The following RYR1 variants were observed in gnomAD, a reference collection of about 807,000 sequenced individuals.
RYR1 encodes central core disease of muscle.
In RYR1, 342 loss-of-function variants were observed where a neutral mutation model predicts 583.5. That is an observed-to-expected ratio of 0.59 (90% confidence interval 0.54 to 0.64). The LOEUF (loss-of-function observed/expected upper bound fraction) is 0.64, where lower values mean the gene tolerates loss of function less well. RYR1 is among the 30% of genes least tolerant of loss of function. The pLI is 0.00. For missense variants in RYR1, 6,032 were observed against 6,917.2 expected (o/e 0.87, Z 4.54); for synonymous variants, 2,791 against 2,822.5 (o/e 0.99, Z 0.35).
intron 89 of RYR1, among the ~76,000 whole-genome samples, chr19:38,557,235 G>A (rs1237743202): frequency 6.6e-6 from 1 of 151,744 alleles, no homozygotes; most frequent in East Asian, 1.9e-4. Flanking sequence ...TTTTCATGAT[G>A]CTTCCTTCAC....
At chr19:38,441,650 GCTGAGAGGTGGAAGGAGCCTGGGGT>G (rs1289096978) in intron 2 of RYR1, among the ~76,000 whole-genome samples, 7 of 149,772 alleles carry the variant, frequency 4.7e-5, no homozygotes, top group African/African-American at 1.8e-4. Context: ...GAGACTGGGG[GCTGAGAGGTGGAAGGAGCCTGGGGT>G]CTGAAAGGAG....
chr19:38,579,196 T>C (rs1238717008), intron 99 of RYR1, among the ~76,000 whole-genome samples: 3 of 151,866 alleles, frequency 2.0e-5, no homozygotes, highest in Non-Finnish European at 4.4e-5. Flanking sequence ...GAGGCCGAGG[T>C]GGGTGGATCA....
At chr19:38,502,160 A>C (rs1970151210) in intron 47 of RYR1, among the ~76,000 whole-genome samples, 1 of 152,134 alleles carries the variant, frequency 6.6e-6, no homozygotes, top group African/African-American at 2.4e-5. Flanking sequence ...TCTCTAACAG[A>C]TGAAAAAGAA....
chr19:38,544,054 T>TCCTCCTCTGCC (rs1972321304), intron 87 of RYR1, among the ~76,000 whole-genome samples, 179 bp downstream of exon 87: 1 of 152,110 alleles, frequency 6.6e-6, no homozygotes, highest in Non-Finnish European at 1.5e-5. Context: ...TGACCCCGCC[T>TCCTCCTCTGCC]CCTCCTCTGC....
At position 38,444,012 on chromosome 19, in the gene RYR1, T is replaced by C; in HGVS notation, c.425-137T>C. ...TCTGAAGTCAGGAACGGGGAACTGT[T>C]AGGCAGAGAGTTGGTGGCAGTGATA... On this transcript the variant is annotated intron_variant, in intron 5 of 105. Coordinates refer to ENST00000359596, the MANE Select transcript of RYR1 (RefSeq NM_000540.3). This position sits in a 1 kb window ranked among gnomAD's most constrained non-coding sequence, Gnocchi z 5.1. 1 of 845,138 alleles carries C rather than the reference T, an allele frequency of 1.2e-6. No individual in the cohort carries two copies. Among genetic ancestry groups the C allele is most frequent in the Non-Finnish European group, 2.0e-6 (1 of 502,960 alleles). The allele number at this position is 845,138 out of a possible 1,614,324, so 52.4% of individuals were successfully genotyped here. A position where few individuals can be genotyped will look rare whatever the true frequency, so the allele number is the denominator to read the frequency against.
intron 11 of RYR1, 148 bp from the exon 12 acceptor site, chr19:38,451,616 G>C: frequency 1.1e-6 from 1 of 895,176 alleles, no homozygotes; most frequent in Non-Finnish European, 1.8e-6. Flanking sequence ...CAGATGACGG[G>C]GGACAGAAAA....
rs1254221448 is a variant in RYR1 at position 38,444,979 on chromosome 19, G to A, written c.631+302G>A. 3.3e-5 allele frequency among the ~76,000 whole-genome samples: 5 copies of A among 152,070 alleles called. No individual in the cohort carries two copies. The highest frequency in any genetic ancestry group is 9.6e-5 in the African/African-American group (4 of 41,490). On this transcript the variant is annotated intron_variant, in intron 7 of 105. Coordinates refer to ENST00000359596, the MANE Select transcript of RYR1 (RefSeq NM_000540.3). The surrounding 1 kb of genome is among the most constrained non-coding windows in gnomAD (Gnocchi z 5.1). ...CAAGTTTAAAGCTTGTTTAAAGGCC[G>A]GGCATGGTGGCTCACGCCTGTAATC...
chr19:38,528,555 C>T (rs1971584748), intron 74 of RYR1, 44 bp from the exon 75 acceptor site: 5 of 1,608,210 alleles, frequency 3.1e-6, no homozygotes, highest in South Asian at 1.1e-5. Flanking sequence ...TCGGGAAGCA[C>T]GGAGGAGGGC....
intron 49 of RYR1, 54 bp downstream of exon 49, chr19:38,503,024 C>A: frequency 6.4e-7 from 1 of 1,556,112 alleles, no homozygotes; most frequent in Non-Finnish European, 8.8e-7. Context: ...CACTGGTTTG[C>A]TCTTCCCTCC....
Position 38,483,221 on chromosome 19 carries a change from C to T in RYR1, c.4708-69C>T. ...GGGGAGGGGGCAATCCAAGAGGTCT[C>T]CCTGGAAGTGGTGTGGTGGGACAGA... On this transcript the variant is annotated intron_variant, in intron 32 of 105. Coordinates refer to ENST00000359596, the MANE Select transcript of RYR1 (RefSeq NM_000540.3). The surrounding 1 kb of genome is among the most constrained non-coding windows in gnomAD (Gnocchi z 6.3). The T allele has an allele frequency of 1.3e-6, 2 of 1,582,474 alleles. No homozygotes were observed. The highest frequency in any genetic ancestry group is 8.6e-7 in the Non-Finnish European group (1 of 1,158,752).
At position 38,496,203 on chromosome 19, in the gene RYR1, G is replaced by T; in HGVS notation, c.6549-12G>T. On this transcript the variant is annotated splice_polypyrimidine_tract_variant and intron_variant, in intron 39 of 105. Transcript: ENST00000359596. This position sits in a 1 kb window ranked among gnomAD's most constrained non-coding sequence, Gnocchi z 4.8. The stretch of plus-strand genomic sequence containing the variant: ...GGCCCCTGGTGACCCCGCACACTCT[G>T]CCCGTGCACAGGAACATCATGAACA... 1 of 1,611,336 alleles carries T rather than the reference G, an allele frequency of 6.2e-7. No individual in the cohort carries two copies.
rs546507537 is a variant in RYR1 at position 38,483,819 on chromosome 19, G to C, written c.4934+303G>C. Among the ~76,000 whole-genome samples the C allele has an allele frequency of 7.9e-5, 12 of 151,904 alleles. No homozygotes were observed. Among genetic ancestry groups the C allele is most frequent in the African/African-American group, 2.9e-4 (12 of 41,422 alleles). On this transcript the variant is annotated intron_variant, in intron 33 of 105. Coordinates refer to ENST00000359596, the MANE Select transcript of RYR1 (RefSeq NM_000540.3). This position sits in a 1 kb window ranked among gnomAD's most constrained non-coding sequence, Gnocchi z 6.3. Reference sequence around the variant, plus strand: ...CACAGGGCCCCAAACCCATCTCAGGGAGCCAGACCCACATCAACACCCCAG... The same window carrying C: ...CACAGGGCCCCAAACCCATCTCAGGCAGCCAGACCCACATCAACACCCCAG...
Position 38,458,175 on chromosome 19 carries a change from G to A in RYR1, c.2050G>A (p.Gly684Ser). 6.2e-7 allele frequency: 1 copy of A among 1,613,884 alleles called. No individual in the cohort carries two copies. The highest frequency in any genetic ancestry group is 8.5e-7 in the Non-Finnish European group (1 of 1,180,006). Residue 684 changes from glycine to serine, a missense_variant, in exon 18 of 106, where the codon GGC becomes AGC. By Grantham distance (56) the Gly-to-Ser change is moderately conservative (BLOSUM62 0). This residue lies in a region of RYR1 where 2,627 missense variants were observed against 2,961.3 expected (regional missense o/e 0.89). Transcript: ENST00000359596. ...AGCTCAGGCCACCCACTTGCGGGTG[G>A]GCTGGGCCCTCACCGAGGGCTACAC... ...LTAQATHLRV[G>S]WALTEGYTPY... is the part of the protein sequence containing the mutation.
At chr19:38,581,034 G>A (rs1030057719) in intron 101 of RYR1, among the ~76,000 whole-genome samples, 3 of 151,864 alleles carry the variant, frequency 2.0e-5, no homozygotes, top group Non-Finnish European at 2.9e-5. Flanking sequence ...AAGTAGCTGG[G>A]ACTACAGGCG....
chr19:38,466,242 G>A lies in RYR1; in HGVS notation c.3022G>A (p.Ala1008Thr), dbSNP rs770447929. ...DRVGQGWSYS[A>T]VQDIPARRNP... ...CGTGGGCCAGGGCTGGAGCTACAGC[G>A]CAGTGCAGGACATCCCAGCGCGCCG... The change falls in exon 24 of 106, where the codon GCA becomes ACA. Residue 1008 changes from alanine to threonine, a missense_variant. This residue lies in a region of RYR1 where 2,627 missense variants were observed against 2,961.3 expected (regional missense o/e 0.89). Coordinates refer to ENST00000359596, the MANE Select transcript of RYR1 (RefSeq NM_000540.3). 22 of 1,613,238 alleles carry A rather than the reference G, an allele frequency of 1.4e-5. No homozygotes were observed. The highest frequency in any genetic ancestry group is 1.1e-4 in the East Asian group (5 of 44,868).
At chr19:38,544,930 T>C (rs1003740727) in intron 87 of RYR1, among the ~76,000 whole-genome samples, 4 of 152,164 alleles carry the variant, frequency 2.6e-5, no homozygotes, top group Non-Finnish European at 5.9e-5. Context: ...CTTAGAGTGA[T>C]GTCAGCAGAA....
intron 31 of RYR1, among the ~76,000 whole-genome samples, chr19:38,481,930 A>T (rs1969030399): frequency 1.3e-5 from 2 of 152,048 alleles, no homozygotes; most frequent in Non-Finnish European, 2.9e-5. Context: ...TCTACTAAAA[A>T]TACAAAAATT....
chr19:38,486,698 C>T (rs1969316431), intron 34 of RYR1, among the ~76,000 whole-genome samples: 1 of 152,186 alleles, frequency 6.6e-6, no homozygotes, highest in Non-Finnish European at 1.5e-5. Flanking sequence ...TCACCTTTCC[C>T]TCCATCTGCT....
chr19:38,458,440 A>T, intron 18 of RYR1, 148 bp downstream of exon 18: 1 of 782,208 alleles, frequency 1.3e-6, no homozygotes, highest in Admixed American at 2.2e-5. Context: ...CCAAGACCCT[A>T]ACCCCAGAGC....
Sources: allele counts gnomAD v4.1 joint callset (sites outside exome capture counted in the v4.1 genomes callset), GRCh38; gene constraint gnomAD v4.1.1; regional missense constraint gnomAD v4.1.1; non-coding constraint Gnocchi (gnomAD v3.1); transcripts MANE v1.5; gene names NCBI Gene and HGNC (gene_info 2026-07-23, HGNC 2026-07-21).